Variants in PJVK observed in about 807,000 individuals in gnomAD.
The protein encoded by PJVK is pejvakin.
PJVK carries 33 observed loss-of-function variants against 37.6 expected under a neutral mutation model. That is an observed-to-expected ratio of 0.88 (90% CI 0.67 to 1.17). The LOEUF is 1.17. PJVK is among the 50% of genes most tolerant of loss of function. The probability of loss-of-function intolerance (pLI) is 0.00; values close to 1 mark genes in which losing one functional copy is unlikely to be tolerated. For synonymous variants in PJVK, 141 were observed against 143.5 expected (o/e 0.98, Z 0.13); for missense variants, 410 against 413.8 (o/e 0.99, Z 0.08).
intron 6 of PJVK, 37 bp from the exon 7 acceptor site, chr2:178,460,945 C>T (rs187309331): frequency 2.0e-4 from 305 of 1,560,266 alleles, no homozygotes; most frequent in Non-Finnish European, 2.6e-4. Flanking sequence ...TTCATTTTCA[C>T]TTCTAACACA....
Position 178,461,513 on chromosome 2 carries a change from A to C in PJVK, c.*239A>C, listed in dbSNP as rs1194974517. 5 of 459,576 alleles carry C rather than the reference A, an allele frequency of 1.1e-5. No homozygotes were observed. Among genetic ancestry groups the C allele is most frequent in the African/African-American group, 2.0e-5 (1 of 50,130 alleles). 28.5% of individuals were successfully genotyped at this position (459,576 alleles called of 1,614,324 possible). A position where few individuals can be genotyped will look rare whatever the true frequency, so the allele number is the denominator to read the frequency against. On this transcript the variant is annotated 3_prime_UTR_variant, in exon 7 of 7. Coordinates refer to ENST00000644580, the MANE Select transcript of PJVK (RefSeq NM_001042702.5). ...ATATCAAAAAAGATTTACATATAAA[A>C]TTCAGAGATTATGAATCATGCCAGT...
intron 3 of PJVK, 24 bp from the exon 4 acceptor site, chr2:178,455,986 G>T: frequency 6.2e-7 from 1 of 1,612,052 alleles, no homozygotes; most frequent in Non-Finnish European, 8.5e-7. Flanking sequence ...ATAGAGTCTT[G>T]TGAATGTATC....
At position 178,458,489 on chromosome 2, in the gene PJVK, T is replaced by G. The variant is rs765866673; in HGVS notation, c.550-21T>G. Reference sequence around the variant, plus strand: ...TTACATGTTATGATCCTTAATTATGTTATTTATTTATTCAATATAGTTTCA... The same window carrying G: ...TTACATGTTATGATCCTTAATTATGGTATTTATTTATTCAATATAGTTTCA... On this transcript the variant is annotated intron_variant, in intron 4 of 6. Coordinates refer to ENST00000644580, the MANE Select transcript of PJVK (RefSeq NM_001042702.5). The G allele has an allele frequency of 4.0e-6, 6 of 1,512,926 alleles. No homozygotes were observed. In the African/African-American group the frequency reaches 8.3e-5, roughly 21 times the overall value. The allele number at this position is 1,512,926 out of a possible 1,614,324, so 93.7% of individuals were successfully genotyped here. A position where few individuals can be genotyped will look rare whatever the true frequency, so the allele number is the denominator to read the frequency against.
At chr2:178,452,328 T>C in intron 1 of PJVK, 1 of 985,108 alleles carries the variant, frequency 1.0e-6, no homozygotes, top group South Asian at 4.7e-5. Context: ...ATTTGTTGTT[T>C]TGTTAGCATG....
Position 178,453,439 on chromosome 2 carries a change from C to G in PJVK, c.30C>G (p.Val10=), listed in dbSNP as rs778986514. The change falls in exon 2 of 7, where the codon GTC becomes GTG. Residue 10 remains valine (V), a synonymous_variant. Coordinates refer to ENST00000644580, the MANE Select transcript of PJVK (RefSeq NM_001042702.5). Reference sequence around the variant, plus strand: ...TTGCTGCTGCTACCAAGAGCTTTGTCAAGCAAGTTGGAGATGGAGGGAGAT... The same window carrying G: ...TTGCTGCTGCTACCAAGAGCTTTGTGAAGCAAGTTGGAGATGGAGGGAGAT... MFAAATKSF[V]KQVGDGGRLV... is the part of the protein sequence containing the mutation. 1 of 1,614,100 alleles carries G rather than the reference C, an allele frequency of 6.2e-7. No individual in the cohort carries two copies. Among genetic ancestry groups the G allele is most frequent in the Non-Finnish European group, 8.5e-7 (1 of 1,180,010 alleles).
intron 5 of PJVK, among the ~76,000 whole-genome samples, chr2:178,459,491 A>G (rs1202601088): frequency 6.6e-6 from 1 of 152,190 alleles, no homozygotes; most frequent in South Asian, 2.1e-4. Context: ...TAATCACATC[A>G]TGGAAAATGG....
chr2:178,452,467 C>A (rs753367728), intron 1 of PJVK: 40 of 985,074 alleles, frequency 4.1e-5, no homozygotes, highest in Non-Finnish European at 4.8e-5. Context: ...GATTACTATC[C>A]ATCACTGTTT....
chr2:178,453,872 G>T, intron 2 of PJVK: 2 of 419,964 alleles, frequency 4.8e-6, no homozygotes, highest in Non-Finnish European at 9.0e-6. Context: ...AATCAACTTA[G>T]AATATGACAT....
In PJVK at chr2:178,453,383, T is replaced by C; in HGVS notation, c.-22-5T>C. 1 of 1,613,228 alleles carries C rather than the reference T, an allele frequency of 6.2e-7. No homozygotes were observed. Among genetic ancestry groups the C allele is most frequent in the Non-Finnish European group, 8.5e-7 (1 of 1,179,354 alleles). On this transcript the variant is annotated splice_polypyrimidine_tract_variant and splice_region_variant and intron_variant, in intron 1 of 6. Coordinates refer to ENST00000644580, the MANE Select transcript of PJVK (RefSeq NM_001042702.5). ...TTTAAAAATGGATTTATCTGGGGGT[T>C]GCAGTTGATGACGTTTTGATTTTAA...
intron 5 of PJVK, 43 bp from the exon 6 acceptor site, chr2:178,460,305 G>T: frequency 6.8e-7 from 1 of 1,466,900 alleles, no homozygotes; most frequent in South Asian, 1.1e-5. Flanking sequence ...AATAAAATAT[G>T]AATTATTCAA....
At position 178,461,741 on chromosome 2, in the gene PJVK, G is replaced by A. The variant is rs1157214735; in HGVS notation, c.*467G>A. Among the ~76,000 whole-genome samples, 4 of 151,808 alleles carry A rather than the reference G, an allele frequency of 2.6e-5. No homozygotes were observed. The highest frequency in any genetic ancestry group is 7.3e-5 in the African/African-American group (3 of 41,318). On this transcript the variant is annotated 3_prime_UTR_variant, in exon 7 of 7. Coordinates refer to ENST00000644580, the MANE Select transcript of PJVK (RefSeq NM_001042702.5). ...TGGGATTACTGGCGCCTGCCACCAC[G>A]CCTGGCTAATTTTTTGTATTTTTAG...
At position 178,452,737 on chromosome 2, in the gene PJVK, G is replaced by A. The variant is rs896418382; in HGVS notation, c.-22-651G>A. On this transcript the variant is annotated intron_variant, in intron 1 of 6. Coordinates refer to ENST00000644580, the MANE Select transcript of PJVK (RefSeq NM_001042702.5). ...CCAACTTCAGAGTAAGAAACCACTA[G>A]GTAATAGTTTATATAGTTACTTATA... The A allele has an allele frequency of 7.3e-6, 4 of 547,350 alleles. No homozygotes were observed. In the African/African-American group the frequency reaches 8.3e-5, roughly 11 times the overall value. The allele number at this position is 547,350 out of a possible 1,614,324, so 33.9% of individuals were successfully genotyped here.
At chr2:178,456,797 CA>C (rs923345189) in intron 4 of PJVK, among the ~76,000 whole-genome samples, 31 of 145,556 alleles carry the variant, frequency 2.1e-4, no homozygotes, top group Middle Eastern at 3.7e-3. Flanking sequence ...AAACCCCAAC[CA>C]AAAAAAAAAT....
At chr2:178,453,905 A>T in intron 2 of PJVK, 1 of 379,714 alleles carries the variant, frequency 2.6e-6, no homozygotes, top group Non-Finnish European at 5.1e-6. Flanking sequence ...ATAAAATGGG[A>T]TATTATTTGG....
At chr2:178,453,287 G>A in intron 1 of PJVK, 101 bp from the exon 2 acceptor site, 1 of 1,012,800 alleles carries the variant, frequency 9.9e-7, no homozygotes. Context: ...GTGAAACCAT[G>A]CTTTGTATTT....
At chr2:178,457,559 G>A (rs879058532) in intron 4 of PJVK, among the ~76,000 whole-genome samples, 2 of 149,888 alleles carry the variant, frequency 1.3e-5, no homozygotes, top group South Asian at 2.1e-4. Context: ...TTGTCTTTTA[G>A]AATTTGGGAG....
intron 5 of PJVK, among the ~76,000 whole-genome samples, chr2:178,458,974 CAGAGG>C (rs1054838480): frequency 6.6e-6 from 1 of 152,132 alleles, no homozygotes; most frequent in African/African-American, 2.4e-5. Flanking sequence ...TGGTGGCAAA[CAGAGG>C]AGTAGGTAGA....
chr2:178,454,215 G>A, intron 2 of PJVK, 117 bp from the exon 3 acceptor site: 1 of 814,982 alleles, frequency 1.2e-6, no homozygotes, highest in Non-Finnish European at 1.9e-6. Flanking sequence ...GGTGAGTCAT[G>A]TTGCCTTTCT....
intron 2 of PJVK, 100 bp downstream of exon 2, chr2:178,453,720 A>G: frequency 9.7e-7 from 1 of 1,030,640 alleles, no homozygotes; most frequent in East Asian, 2.6e-5. Flanking sequence ...ACACATTTTC[A>G]ATGATTAAAG....
Sources: allele counts gnomAD v4.1 joint callset (sites outside exome capture counted in the v4.1 genomes callset), GRCh38; gene constraint gnomAD v4.1.1; transcripts MANE v1.5; gene names NCBI Gene and HGNC (gene_info 2026-07-23, HGNC 2026-07-21).